Variants in ELP4 observed in about 807,000 individuals in gnomAD.
ELP4 encodes the protein elongator complex protein 4.
ELP4 carries 51 observed loss-of-function variants against 48.9 expected under a neutral mutation model. The ratio of observed to expected loss-of-function variants is 1.04; its 90% CI spans 0.83 to 1.32. The LOEUF (loss-of-function observed/expected upper bound fraction) is 1.32, where lower values mean the gene tolerates loss of function less well. ELP4 is among the 40% of genes most tolerant of loss of function. The pLI is 0.00. For synonymous variants in ELP4, 210 were observed against 189.2 expected (o/e 1.11, Z -0.90); for missense variants, 519 against 514.6 (o/e 1.01, Z -0.08).
At chr11:31,555,423 C>A (rs1202066515) in intron 3 of ELP4, among the ~76,000 whole-genome samples, 1 of 151,836 alleles carries the variant, frequency 6.6e-6, no homozygotes, top group Non-Finnish European at 1.5e-5. Context: ...TTCTTAAATT[C>A]CTAATATTGT....
At chr11:31,534,264 T>C (rs993512434) in intron 2 of ELP4, among the ~76,000 whole-genome samples, 3 of 135,096 alleles carry the variant, frequency 2.2e-5, no homozygotes, top group African/African-American at 1.0e-4. Flanking sequence ...GAGAGGTGGA[T>C]TGGTGTGTGT....
At chr11:31,689,976 T>G (rs1170920420) in intron 9 of ELP4, among the ~76,000 whole-genome samples, 1 of 152,084 alleles carries the variant, frequency 6.6e-6, no homozygotes, top group East Asian at 1.9e-4. Flanking sequence ...CAGGGAAATG[T>G]TGGTGGTCTG....
chr11:31,661,531 A>C (rs950489317), intron 9 of ELP4, among the ~76,000 whole-genome samples: 1 of 152,004 alleles, frequency 6.6e-6, no homozygotes, highest in Non-Finnish European at 1.5e-5. Context: ...GGTGTTATAA[A>C]CGTAGGTATT....
intron 3 of ELP4, among the ~76,000 whole-genome samples, chr11:31,546,798 G>A (rs1956729802): frequency 6.6e-6 from 1 of 152,096 alleles, no homozygotes; most frequent in Non-Finnish European, 1.5e-5. Context: ...TCAGACCACA[G>A]TGCAATCAAA....
chr11:31,535,525 TG>T (rs1956485227), intron 2 of ELP4, among the ~76,000 whole-genome samples: 1 of 152,096 alleles, frequency 6.6e-6, no homozygotes, highest in South Asian at 2.1e-4. Context: ...TATTATTTTT[TG>T]TAGAGCTGAG....
intron 3 of ELP4, 113 bp downstream of exon 3, chr11:31,539,896 T>G: frequency 1.3e-6 from 1 of 766,222 alleles, no homozygotes; most frequent in South Asian, 4.9e-5. Context: ...TTAAATGCAT[T>G]AACGGAACCA....
intron 9 of ELP4, among the ~76,000 whole-genome samples, chr11:31,737,840 T>C (rs1373185252): frequency 6.6e-6 from 1 of 152,062 alleles, no homozygotes; most frequent in Non-Finnish European, 1.5e-5. Context: ...GCATTATTGG[T>C]GGAAATGTAA....
At chr11:31,749,673 T>C (rs766887239) in intron 9 of ELP4, among the ~76,000 whole-genome samples, 4 of 152,040 alleles carry the variant, frequency 2.6e-5, no homozygotes, top group Non-Finnish European at 4.4e-5. Context: ...AGAAAGGAAT[T>C]GTGGGAGAAA....
At chr11:31,662,814 GTC>G (rs1483127059) in intron 9 of ELP4, 1 of 359,050 alleles carries the variant, frequency 2.8e-6, no homozygotes, top group African/African-American at 2.1e-5. Flanking sequence ...CTGCATTAAT[GTC>G]TCTCTGAGAA....
intron 2 of ELP4, among the ~76,000 whole-genome samples, chr11:31,525,731 T>A (rs1326925700): frequency 6.6e-6 from 1 of 152,112 alleles, no homozygotes; most frequent in Non-Finnish European, 1.5e-5. Flanking sequence ...CCCAGAACAA[T>A]AGTGTGTAAA....
chr11:31,631,687 T>C (rs1478141910), intron 6 of ELP4, among the ~76,000 whole-genome samples: 1 of 152,106 alleles, frequency 6.6e-6, no homozygotes, highest in Non-Finnish European at 1.5e-5. Flanking sequence ...ACTTAAATTA[T>C]TACTTTAAGA....
chr11:31,598,503 CTTTTTTTTTTT>C (rs10702222), intron 4 of ELP4, among the ~76,000 whole-genome samples: 5 of 77,740 alleles, frequency 6.4e-5, no homozygotes, highest in African/African-American at 1.6e-4. Flanking sequence ...TTTTCTTCTT[CTTTTTTTTTTT>C]TTTTTTTTTT....
chr11:31,534,673 G>T (rs1294619637), intron 2 of ELP4, among the ~76,000 whole-genome samples: 1 of 152,058 alleles, frequency 6.6e-6, no homozygotes, highest in Non-Finnish European at 1.5e-5. Flanking sequence ...TTTAAGCAAG[G>T]ATTATTTGAG....
At position 31,564,912 on chromosome 11, in the gene ELP4, A is replaced by T. The variant is rs571783047; in HGVS notation, c.381+25129A>T. Among the ~76,000 whole-genome samples, 111 of 152,326 alleles carry T rather than the reference A, an allele frequency of 7.3e-4. 1 individual carries two copies. The highest frequency in any genetic ancestry group is 2.4e-3 in the African/African-American group (101 of 41,576). ...TACCCAGTAATGGGATGGCTGGGTCAAATGGTATTTCTAGTTCTAGATCCC... is the reference window on the plus strand; with the variant it reads ...TACCCAGTAATGGGATGGCTGGGTCTAATGGTATTTCTAGTTCTAGATCCC... On this transcript the variant is annotated intron_variant, in intron 3 of 9. Transcript: ENST00000640961.
At chr11:31,520,785 A>G (rs1956200670) in intron 2 of ELP4, among the ~76,000 whole-genome samples, 1 of 152,018 alleles carries the variant, frequency 6.6e-6, no homozygotes, top group Non-Finnish European at 1.5e-5. Context: ...TTTTCATCTC[A>G]AATATTCTCC....
chr11:31,740,192 A>C (rs181097439), intron 9 of ELP4, among the ~76,000 whole-genome samples: 1 of 152,298 alleles, frequency 6.6e-6, no homozygotes, highest in Admixed American at 6.5e-5. Flanking sequence ...CACTTATGAG[A>C]CCTTAGTCTG....
chr11:31,732,260 A>G (rs1464767220), intron 9 of ELP4, among the ~76,000 whole-genome samples: 1 of 152,224 alleles, frequency 6.6e-6, no homozygotes, highest in Non-Finnish European at 1.5e-5. Context: ...GATACACAGT[A>G]TAACAAGATC....
chr11:31,719,915 C>T (rs1946924132), intron 9 of ELP4: 1 of 155,186 alleles, frequency 6.4e-6, no homozygotes, highest in Admixed American at 6.5e-5. Flanking sequence ...TGCATATTCT[C>T]TTATATCTGA....
intron 9 of ELP4, among the ~76,000 whole-genome samples, chr11:31,752,884 A>G (rs1324248272): frequency 1.3e-5 from 2 of 151,914 alleles, no homozygotes. Flanking sequence ...AACTGTCCAT[A>G]TCTATAGCCA....
Sources: gnomAD v4.1 joint callset for allele counts (sites outside exome capture counted in the v4.1 genomes callset) on GRCh38, gnomAD v4.1.1 for gene constraint, MANE v1.5 for transcripts, NCBI Gene and HGNC (gene_info 2026-07-23, HGNC 2026-07-21) for gene names.